KCNQ1OT1: variants seen among roughly 807,000 people sequenced by gnomAD.
KCNQ1OT1 encodes KCNQ1 antisense RNA 2 (non-protein coding).
exon 1 of KCNQ1OT1, chr11:2,625,275 A>C (rs1849244851): frequency 1.5e-5 from 6 of 398,518 alleles, no homozygotes; most frequent in Non-Finnish European, 2.7e-5. Context: ...TTTTGAGACA[A>C]GATCTGGCTC....
At chr11:2,641,376 A>G in exon 1 of KCNQ1OT1, 1 of 398,058 alleles carries the variant, frequency 2.5e-6, no homozygotes, top group Non-Finnish European at 4.4e-6. Flanking sequence ...CATTTCCCTT[A>G]TAATTACTGA....
exon 1 of KCNQ1OT1, chr11:2,643,978 G>T: frequency 2.5e-6 from 1 of 398,492 alleles, no homozygotes; most frequent in Admixed American, 4.4e-5. Flanking sequence ...TTAGTCTGCA[G>T]GTTGTTCCCT....
exon 1 of KCNQ1OT1, chr11:2,615,999 A>G (rs966514586): frequency 7.5e-6 from 3 of 397,952 alleles, no homozygotes; most frequent in Non-Finnish European, 1.3e-5. Context: ...CATTTTCTTC[A>G]TTGGAAGGTT....
At position 2,678,691 on chromosome 11, in the gene KCNQ1OT1, A is replaced by C; in HGVS notation, n.21304T>G. On this transcript the variant is annotated non_coding_transcript_exon_variant, in exon 1 of 1. Transcript: ENST00000597346. The surrounding 1 kb of genome is among the most constrained non-coding windows in gnomAD (Gnocchi z 4.9). ...AGGGGAATTCATGGCATGGCCTAAGATCTAAACACTCTTAAGATTTAAACA... is the reference window on the plus strand; with the variant it reads ...AGGGGAATTCATGGCATGGCCTAAGCTCTAAACACTCTTAAGATTTAAACA... 2.5e-6 allele frequency: 1 copy of C among 398,604 alleles called. No individual in the cohort carries two copies. The allele number at this position is 398,604 out of a possible 1,614,324, so 24.7% of individuals were successfully genotyped here.
chr11:2,686,966 C>T (rs1850500325), exon 1 of KCNQ1OT1: 2 of 398,662 alleles, frequency 5.0e-6, no homozygotes, highest in Non-Finnish European at 8.8e-6. Flanking sequence ...CATCCTGATG[C>T]AGAGGCAAGG....
exon 1 of KCNQ1OT1, chr11:2,648,283 T>A (rs1849698732): frequency 1.3e-5 from 5 of 398,508 alleles, no homozygotes; most frequent in South Asian, 1.3e-4. Flanking sequence ...AGATCTGCTC[T>A]GATCTTTACT....
exon 1 of KCNQ1OT1, chr11:2,643,982 G>C (rs1849622910): frequency 2.5e-6 from 1 of 398,516 alleles, no homozygotes; most frequent in East Asian, 3.6e-5. Flanking sequence ...TCTGCAGGTT[G>C]TTCCCTTGTA....
chr11:2,690,324 T>C lies in KCNQ1OT1; in HGVS notation n.9671A>G. 2.5e-6 allele frequency: 1 copy of C among 398,706 alleles called. No homozygotes were observed. The highest frequency in any genetic ancestry group is 4.4e-6 in the Non-Finnish European group (1 of 226,096). The allele number at this position is 398,706 out of a possible 1,614,324, so 24.7% of individuals were successfully genotyped here. On this transcript the variant is annotated non_coding_transcript_exon_variant, in exon 1 of 1. Transcript: ENST00000597346. The surrounding 1 kb of genome is among the most constrained non-coding windows in gnomAD (Gnocchi z 5.1). ...TAGGATTGTCACAAGGATTAAATGA[T>C]GTCAAGTCTGAGGCTGCCCTGCAGC...
chr11:2,642,080 C>T lies in KCNQ1OT1; in HGVS notation n.57915G>A, dbSNP rs1849588796. The T allele has an allele frequency of 2.5e-6, 1 of 398,228 alleles. No individual in the cohort carries two copies. The highest frequency in any genetic ancestry group is 4.4e-6 in the Non-Finnish European group (1 of 225,948). 24.7% of individuals were successfully genotyped at this position (398,228 alleles called of 1,614,324 possible). On this transcript the variant is annotated non_coding_transcript_exon_variant, in exon 1 of 1. Coordinates refer to ENST00000597346, the Ensembl canonical transcript of KCNQ1OT1. This position sits in a 1 kb window ranked among gnomAD's most constrained non-coding sequence, Gnocchi z 4.3. The stretch of plus-strand genomic sequence containing the variant: ...GATGCATCCAACTTTGTTATTTTTG[C>T]TCAGAATTGCTGTGGCTATTCCAGC...
rs1439948002 is a variant in KCNQ1OT1, at chr11:2,664,497, A to G, written n.35498T>C. 2.5e-6 allele frequency: 1 copy of G among 398,622 alleles called. No homozygotes were observed. The allele number at this position is 398,622 out of a possible 1,614,324, so 24.7% of individuals were successfully genotyped here. A position where few individuals can be genotyped will look rare whatever the true frequency, so the allele number is the denominator to read the frequency against. On this transcript the variant is annotated non_coding_transcript_exon_variant, in exon 1 of 1. Coordinates refer to ENST00000597346, the Ensembl canonical transcript of KCNQ1OT1. This position sits in a 1 kb window ranked among gnomAD's most constrained non-coding sequence, Gnocchi z 5.1. ...ACTCCATCTGGGGGAGAAGGCTGGC[A>G]GCAGTGGGCACCCTGTTTCCTCAGG...
In KCNQ1OT1 at chr11:2,674,388, C is replaced by T. The variant is rs1189793955; in HGVS notation, n.25607G>A. 4 of 363,638 alleles carry T rather than the reference C, an allele frequency of 1.1e-5. No homozygotes were observed. Among genetic ancestry groups the T allele is most frequent in the Non-Finnish European group, 1.9e-5 (4 of 205,760 alleles). 22.5% of individuals were successfully genotyped at this position (363,638 alleles called of 1,614,324 possible). A position where few individuals can be genotyped will look rare whatever the true frequency, so the allele number is the denominator to read the frequency against. ...AGCAGCTTCCTGCTTAGGGAAGGTGCATGCGTGCGTGTGTGTGTGCGCGCC... is the reference window on the plus strand; with the variant it reads ...AGCAGCTTCCTGCTTAGGGAAGGTGTATGCGTGCGTGTGTGTGTGCGCGCC... On this transcript the variant is annotated non_coding_transcript_exon_variant, in exon 1 of 1. Transcript: ENST00000597346. The surrounding 1 kb of genome is among the most constrained non-coding windows in gnomAD (Gnocchi z 5.9).
rs951019681 is a variant in KCNQ1OT1, at chr11:2,666,387, G to A, written n.33608C>T. The stretch of plus-strand genomic sequence containing the variant: ...TGGCCTCTTGTGACATGACAGCTTC[G>A]CAAATCCTTGAGCAAAAACAGCCCC... On this transcript the variant is annotated non_coding_transcript_exon_variant, in exon 1 of 1. Transcript: ENST00000597346. 56 of 398,648 alleles carry A rather than the reference G, an allele frequency of 1.4e-4. No individual in the cohort carries two copies. The highest frequency in any genetic ancestry group is 1.1e-3 in the South Asian group (9 of 7,854). The allele number at this position is 398,648 out of a possible 1,614,324, so 24.7% of individuals were successfully genotyped here.
At chr11:2,629,721 G>T (rs972900506) in exon 1 of KCNQ1OT1, 3 of 398,378 alleles carry the variant, frequency 7.5e-6, no homozygotes, top group Non-Finnish European at 1.3e-5. Context: ...TTGTTTTTCA[G>T]GTTGTTTATT....
chr11:2,626,798 G>C lies in KCNQ1OT1; in HGVS notation n.73197C>G, dbSNP rs1316897241. ...CCACCTCAGCCTTCAAAAGTGCTGA[G>C]ATTACAGGTGTAGGCCATTGTACCT... On this transcript the variant is annotated non_coding_transcript_exon_variant, in exon 1 of 1. Coordinates refer to ENST00000597346, the Ensembl canonical transcript of KCNQ1OT1. The surrounding 1 kb of genome is among the most constrained non-coding windows in gnomAD (Gnocchi z 4.0). 2.5e-6 allele frequency: 1 copy of C among 398,488 alleles called. No individual in the cohort carries two copies. Among genetic ancestry groups the C allele is most frequent in the African/African-American group, 2.1e-5 (1 of 48,608 alleles). 24.7% of individuals were successfully genotyped at this position (398,488 alleles called of 1,614,324 possible). A position where few individuals can be genotyped will look rare whatever the true frequency, so the allele number is the denominator to read the frequency against.
At chr11:2,697,238 A>G (rs964298423) in exon 1 of KCNQ1OT1, 13 of 398,508 alleles carry the variant, frequency 3.3e-5, no homozygotes, top group African/African-American at 2.5e-4. Context: ...ATCTCTATCA[A>G]GAAAAGCCCT....
chr11:2,646,408 A>C lies in KCNQ1OT1; in HGVS notation n.53587T>G, dbSNP rs545197753. 3.0e-5 allele frequency: 12 copies of C among 398,556 alleles called. No homozygotes were observed. In the South Asian group the frequency reaches 1.5e-3, roughly 51 times the overall value. The allele number at this position is 398,556 out of a possible 1,614,324, so 24.7% of individuals were successfully genotyped here. On this transcript the variant is annotated non_coding_transcript_exon_variant, in exon 1 of 1. Coordinates refer to ENST00000597346, the Ensembl canonical transcript of KCNQ1OT1. ...CAGTATTTTATAGTTTTCATTGTGG[A>C]AATCTTTCACCTCCTTGGTTAAGCT... is the stretch of plus-strand genomic sequence containing the variant.
At chr11:2,649,962 C>T (rs764724958) in exon 1 of KCNQ1OT1, 28 of 398,344 alleles carry the variant, frequency 7.0e-5, no homozygotes, top group Non-Finnish European at 9.7e-5. Flanking sequence ...TCATATGTCA[C>T]GCAGGCATTC....
chr11:2,640,663 C>G (rs1175324090), exon 1 of KCNQ1OT1: 2 of 398,318 alleles, frequency 5.0e-6, no homozygotes, highest in Non-Finnish European at 8.8e-6. Context: ...ATCCATCACC[C>G]TCAATTTATC....
Position 2,642,630 on chromosome 11 carries a change from G to T in KCNQ1OT1, n.57365C>A, listed in dbSNP as rs1049096120. The T allele has an allele frequency of 1.1e-4, 43 of 397,452 alleles. No homozygotes were observed. The highest frequency in any genetic ancestry group is 8.5e-4 in the African/African-American group (41 of 48,510). 24.6% of individuals were successfully genotyped at this position (397,452 alleles called of 1,614,324 possible). ...TCAAAAACCGATTTTGCATTTCATTGATCCTTTATATTTATTTAGTTTCTT... is the reference window on the plus strand; with the variant it reads ...TCAAAAACCGATTTTGCATTTCATTTATCCTTTATATTTATTTAGTTTCTT... On this transcript the variant is annotated non_coding_transcript_exon_variant, in exon 1 of 1. Transcript: ENST00000597346. The surrounding 1 kb of genome is among the most constrained non-coding windows in gnomAD (Gnocchi z 4.3).
Sources: gnomAD v4.1 joint callset for allele counts on GRCh38, gnomAD v4.1.1 for gene constraint, Gnocchi (gnomAD v3.1) non-coding constraint, MANE v1.5 for transcripts, NCBI Gene and HGNC (gene_info 2026-07-23, HGNC 2026-07-21) for gene names.